ROPN1L: variants seen among roughly 807,000 people sequenced by gnomAD.
The protein encoded by ROPN1L is rhophilin associated tail protein 1 like, also known as ropporin-1-like protein.
A neutral mutation model predicts 22.7 loss-of-function variants in ROPN1L; 23 were observed. The ratio of observed to expected loss-of-function variants is 1.01; its 90% CI spans 0.73 to 1.43. ROPN1L has a LOEUF of 1.43. Among genes scored for constraint, ROPN1L ranks in the 40% most tolerant of loss-of-function variants. The pLI, the probability that ROPN1L is intolerant of heterozygous loss-of-function variation, is 0.00. For synonymous variants in ROPN1L, 116 were observed against 117.8 expected (o/e 0.98, Z 0.10); for missense variants, 271 against 291.5 (o/e 0.93, Z 0.51).
chr5:10,448,416 G>C, intron 2 of ROPN1L, 33 bp downstream of exon 2: 1 of 1,612,774 alleles, frequency 6.2e-7, no homozygotes, highest in Non-Finnish European at 8.5e-7. Flanking sequence ...GCCTCAGGCA[G>C]CTGGCCTGTG....
chr5:10,459,780 C>G (rs973969000), intron 3 of ROPN1L, among the ~76,000 whole-genome samples: 32 of 152,316 alleles, frequency 2.1e-4, no homozygotes, highest in African/African-American at 7.7e-4. Context: ...CCAGGCACGC[C>G]CTCTTCCAGA....
At chr5:10,477,171 C>T in the ROPN1L span, among the ~76,000 whole-genome samples, 3 of 152,224 alleles carry the variant, frequency 2.0e-5, no homozygotes, top group Admixed American at 6.5e-5. Flanking sequence ...ACTTTTTCAA[C>T]TACTTACAAG....
downstream of ROPN1L, among the ~76,000 whole-genome samples, chr5:10,475,886 A>G (rs1345379445): frequency 1.3e-5 from 2 of 152,236 alleles, no homozygotes; most frequent in Non-Finnish European, 2.9e-5. Context: ...CAGTCCTCAG[A>G]TGAAGGGTCC....
At chr5:10,447,606 G>A (rs1353283638) in intron 1 of ROPN1L, among the ~76,000 whole-genome samples, 1 of 152,260 alleles carries the variant, frequency 6.6e-6, no homozygotes, top group Non-Finnish European at 1.5e-5. Context: ...GCCAGGCACA[G>A]TGGCTCACGC....
chr5:10,444,949 C>T (rs1741007650), intron 1 of ROPN1L, among the ~76,000 whole-genome samples: 1 of 151,934 alleles, frequency 6.6e-6, no homozygotes, highest in Non-Finnish European at 1.5e-5. Flanking sequence ...CCGAATGTAC[C>T]ATGCTACTAA....
At chr5:10,456,693 A>C (rs1471884074) in intron 3 of ROPN1L, among the ~76,000 whole-genome samples, 1 of 152,252 alleles carries the variant, frequency 6.6e-6, no homozygotes, top group African/African-American at 2.4e-5. Flanking sequence ...TGTGACTCGC[A>C]GCACAAGATG....
chr5:10,457,921 G>A (rs542517132), intron 3 of ROPN1L, among the ~76,000 whole-genome samples: 83 of 152,158 alleles, frequency 5.5e-4, no homozygotes, highest in African/African-American at 2.0e-3. Flanking sequence ...AGCCACCTCC[G>A]TGGCTGCTGC....
At chr5:10,476,762 T>C (rs771899935), downstream of ROPN1L, among the ~76,000 whole-genome samples, 8 of 152,272 alleles carry the variant, frequency 5.3e-5, no homozygotes, top group Admixed American at 1.3e-4. Flanking sequence ...TTTTATATGC[T>C]GGCACTAAGA....
intron 3 of ROPN1L, 88 bp from the exon 4 acceptor site, chr5:10,461,096 A>G (rs1735014607): frequency 8.3e-7 from 1 of 1,198,292 alleles, no homozygotes; most frequent in Non-Finnish European, 1.2e-6. Context: ...CAAATATGCT[A>G]GAGTGTTGAT....
chr5:10,458,645 C>T (rs1734915782), intron 3 of ROPN1L, among the ~76,000 whole-genome samples: 1 of 77,384 alleles, frequency 1.3e-5, no homozygotes. Context: ...TACACCGTCC[C>T]CACCATGTAC....
In ROPN1L at chr5:10,442,075, C is replaced by T; in HGVS notation, c.-93C>T. The stretch of plus-strand genomic sequence containing the variant: ...GGCGGCCCTGGCCGCAAGCCCCGCG[C>T]TGCTAGCGGGTCCACCGCGTCGTAG... On this transcript the variant is annotated 5_prime_UTR_variant, in exon 1 of 5. Coordinates refer to ENST00000274134, the MANE Select transcript of ROPN1L (RefSeq NM_031916.5). 6.5e-7 allele frequency: 1 copy of T among 1,532,656 alleles called. No homozygotes were observed. Among genetic ancestry groups the T allele is most frequent in the Non-Finnish European group, 8.9e-7 (1 of 1,126,908 alleles). 94.9% of individuals were successfully genotyped at this position (1,532,656 alleles called of 1,614,324 possible).
Position 10,465,011 on chromosome 5 carries a change from C to A in ROPN1L, c.*64C>A. The A allele has an allele frequency of 2.1e-6, 2 of 960,836 alleles. No homozygotes were observed. Among genetic ancestry groups the A allele is most frequent in the Non-Finnish European group, 3.2e-6 (2 of 625,374 alleles). The allele number at this position is 960,836 out of a possible 1,614,324, so 59.5% of individuals were successfully genotyped here. On this transcript the variant is annotated 3_prime_UTR_variant, in exon 5 of 5. Transcript: ENST00000274134. ...TTTAAAATTCTGGCACCAAATACAA[C>A]TTACCCTGAATCACACACCTCTGTA...
intron 3 of ROPN1L, among the ~76,000 whole-genome samples, chr5:10,459,066 TG>T (rs1734947933): frequency 6.6e-6 from 1 of 150,678 alleles, no homozygotes. Context: ...CCAGTTCCAC[TG>T]GGCGCCTGAC....
intron 3 of ROPN1L, among the ~76,000 whole-genome samples, chr5:10,459,371 T>TTGCCTTCCACCCTCATCACTGGGTTCC (rs1734962086): frequency 2.7e-5 from 4 of 147,976 alleles, no homozygotes; most frequent in African/African-American, 1.1e-4. Flanking sequence ...CACTGGGTTC[T>TTGCCTTCCACCCTCATCACTGGGTTCC]TGCCTTCCAC....
At chr5:10,448,134 C>A in intron 1 of ROPN1L, 126 bp from the exon 2 acceptor site, 1 of 1,054,726 alleles carries the variant, frequency 9.5e-7, no homozygotes, top group Non-Finnish European at 1.4e-6. Flanking sequence ...GACATAAGCC[C>A]GGGATGTTGG....
In ROPN1L at chr5:10,464,994, TCTGGCACCAAATACAACTTACC is replaced by T; in HGVS notation, c.*51_*72del. Reference sequence around the variant, plus strand: ...ATGTCAAAATAGTGCTCTTTAAAATTCTGGCACCAAATACAACTTACCCTGAATCACACACCTCTGTAGTGTG... The same window carrying T: ...ATGTCAAAATAGTGCTCTTTAAAATTCTGAATCACACACCTCTGTAGTGTG... On this transcript the variant is annotated 3_prime_UTR_variant, in exon 5 of 5. Transcript: ENST00000274134. The T allele has an allele frequency of 8.5e-7, 1 of 1,175,074 alleles. No homozygotes were observed. Among genetic ancestry groups the T allele is most frequent in the East Asian group, 2.4e-5 (1 of 41,670 alleles). The allele number at this position is 1,175,074 out of a possible 1,614,324, so 72.8% of individuals were successfully genotyped here.
At chr5:10,457,338 T>A (rs1345351483) in intron 3 of ROPN1L, among the ~76,000 whole-genome samples, 1 of 152,202 alleles carries the variant, frequency 6.6e-6, no homozygotes, top group East Asian at 1.9e-4. Flanking sequence ...TCAGTTCTGT[T>A]CAGGGCTCCA....
chr5:10,448,964 A>G (rs1331015485), intron 2 of ROPN1L, among the ~76,000 whole-genome samples: 2 of 152,262 alleles, frequency 1.3e-5, no homozygotes, highest in African/African-American at 4.8e-5. Context: ...GGCCTTCCTC[A>G]TGACTCGGTT....
At chr5:10,454,691 TGCACACGTGTCTAAC>T (rs1741360233) in intron 3 of ROPN1L, among the ~76,000 whole-genome samples, 1 of 152,246 alleles carries the variant, frequency 6.6e-6, no homozygotes, top group Non-Finnish European at 1.5e-5. Context: ...CAACCACAGA[TGCACACGTGTCTAAC>T]GCAGTTTTCC....
Sources: gnomAD v4.1 joint callset for allele counts (sites outside exome capture counted in the v4.1 genomes callset) on GRCh38, gnomAD v4.1.1 for gene constraint, MANE v1.5 for transcripts, NCBI Gene and HGNC (gene_info 2026-07-23, HGNC 2026-07-21) for gene names.